Variants in GAS7 observed in about 807,000 individuals in gnomAD.
GAS7 encodes growth arrest-specific protein 7.
GAS7 carries 28 observed loss-of-function variants against 71.1 expected under a neutral mutation model. The ratio of observed to expected loss-of-function variants is 0.39; its 90% confidence interval spans 0.29 to 0.54. GAS7 has a LOEUF of 0.54. Ranked by LOEUF, GAS7 falls within the 20% of genes least tolerant of loss-of-function variation. The probability of loss-of-function intolerance (pLI) is 0.62; values close to 1 mark genes in which losing one functional copy is unlikely to be tolerated. For missense variants in GAS7, 436 were observed against 627.8 expected (o/e 0.69, Z 3.27); for synonymous variants, 258 against 245.8 (o/e 1.05, Z -0.46).
intron 1 of GAS7, among the ~76,000 whole-genome samples, chr17:10,059,301 G>T (rs1033209493): frequency 6.6e-6 from 1 of 152,088 alleles, no homozygotes; most frequent in African/African-American, 2.4e-5. Context: ...ACAAATTCTC[G>T]CTACACTGGG....
chr17:10,027,542 G>C (rs1326581307), intron 1 of GAS7, among the ~76,000 whole-genome samples: 1 of 152,218 alleles, frequency 6.6e-6, no homozygotes, highest in African/African-American at 2.4e-5. Flanking sequence ...TGGGATTGAG[G>C]CTCTTATCAA....
chr17:10,178,185 G>A (rs943815966), intron 1 of GAS7, among the ~76,000 whole-genome samples: 3 of 152,144 alleles, frequency 2.0e-5, no homozygotes, highest in African/African-American at 7.2e-5. Context: ...GGGAGATGGG[G>A]GATTCCAGGC....
At chr17:10,016,173 CAGG>C (rs1344151471) in intron 2 of GAS7, among the ~76,000 whole-genome samples, 2 of 151,250 alleles carry the variant, frequency 1.3e-5, no homozygotes, top group African/African-American at 4.9e-5. Flanking sequence ...ATCACAAGGC[CAGG>C]AGATCGAGAC....
intron 2 of GAS7, among the ~76,000 whole-genome samples, chr17:9,986,582 G>A (rs1379759990): frequency 1.3e-5 from 2 of 152,170 alleles, no homozygotes; most frequent in African/African-American, 4.8e-5. Flanking sequence ...GCAGCTCCGG[G>A]GGCTGCAGGA....
intron 2 of GAS7, among the ~76,000 whole-genome samples, chr17:9,984,215 C>T (rs1189725139): frequency 2.0e-5 from 3 of 152,068 alleles, no homozygotes; most frequent in Admixed American, 6.6e-5. Context: ...CAGCCCTAGG[C>T]AAATCGCACC....
chr17:10,096,220 A>G (rs897603120), intron 1 of GAS7, among the ~76,000 whole-genome samples: 1 of 152,142 alleles, frequency 6.6e-6, no homozygotes, highest in Non-Finnish European at 1.5e-5. Flanking sequence ...TGCCACATAT[A>G]TATATATTTT....
chr17:10,178,853 G>T (rs2074393442), intron 1 of GAS7, among the ~76,000 whole-genome samples: 1 of 151,678 alleles, frequency 6.6e-6, no homozygotes, highest in Non-Finnish European at 1.5e-5. Flanking sequence ...TTCTTTGTTC[G>T]CTGGTTAACA....
At chr17:9,966,032 T>A in intron 4 of GAS7, among the ~76,000 whole-genome samples, 1 of 130,326 alleles carries the variant, frequency 7.7e-6, no homozygotes, top group East Asian at 2.8e-4. Context: ...GGAGTCTCGC[T>A]CTGTCGCCCA....
chr17:10,098,018 C>T (rs375934326), intron 1 of GAS7, among the ~76,000 whole-genome samples: 8 of 148,870 alleles, frequency 5.4e-5, no homozygotes, highest in South Asian at 2.1e-4. Flanking sequence ...CACTCCAGCC[C>T]GGGTGACAGA....
At position 10,059,911 on chromosome 17, in the gene GAS7, C is replaced by T. The variant is rs563263593; in HGVS notation, c.184-40014G>A. ...TTCAAAATGAAAGAGAAGTATTCTG[C>T]AATCGGGAAAGCATGTCCACAGCCT... On this transcript the variant is annotated intron_variant, in intron 1 of 13. Transcript: ENST00000432992. 402 of 631,754 alleles carry T rather than the reference C, an allele frequency of 6.4e-4. 10 individuals are homozygous for T. The South Asian group carries it at 0.023, about 37-fold the overall frequency. 39.1% of individuals were successfully genotyped at this position (631,754 alleles called of 1,614,324 possible). A position where few individuals can be genotyped will look rare whatever the true frequency, so the allele number is the denominator to read the frequency against.
At chr17:10,163,209 C>A (rs960517268) in intron 1 of GAS7, among the ~76,000 whole-genome samples, 1 of 152,142 alleles carries the variant, frequency 6.6e-6, no homozygotes, top group African/African-American at 2.4e-5. Context: ...CTCCCGGGTT[C>A]GAGCTATTCT....
At chr17:10,047,060 C>T (rs2152233364) in intron 1 of GAS7, among the ~76,000 whole-genome samples, 1 of 152,228 alleles carries the variant, frequency 6.6e-6, no homozygotes, top group South Asian at 2.1e-4. Flanking sequence ...AGCCAGCCCT[C>T]TCCTCTCAGC....
intron 1 of GAS7, among the ~76,000 whole-genome samples, chr17:10,134,614 C>T (rs746057289): frequency 2.7e-4 from 41 of 152,178 alleles, no homozygotes; most frequent in Non-Finnish European, 4.9e-4. Flanking sequence ...TGATCTAGGA[C>T]AGGTGAGCCC....
intron 8 of GAS7, among the ~76,000 whole-genome samples, chr17:9,937,057 G>GT (rs1309491632): frequency 6.6e-6 from 1 of 152,226 alleles, no homozygotes; most frequent in African/African-American, 2.4e-5. Flanking sequence ...GTGTGTAAAT[G>GT]TAAATCAGTG....
In GAS7 at chr17:9,911,947, A is replaced by G. The variant is rs2067449154; in HGVS notation, c.*5281T>C. On this transcript the variant is annotated 3_prime_UTR_variant, in exon 14 of 14. Transcript: ENST00000432992. The surrounding 1 kb of genome is among the most constrained non-coding windows in gnomAD (Gnocchi z 4.0). ...AACTGGGTGTGGTCCTGTCCCTGCC[A>G]CCATGTACCACCATCCAGTGGGGTG... 1 of 232,108 alleles carries G rather than the reference A, an allele frequency of 4.3e-6. No individual in the cohort carries two copies. The highest frequency in any genetic ancestry group is 6.1e-5 in the East Asian group (1 of 16,418). The allele number at this position is 232,108 out of a possible 1,614,324, so 14.4% of individuals were successfully genotyped here.
intron 2 of GAS7, among the ~76,000 whole-genome samples, chr17:10,005,186 T>C (rs1401089816): frequency 1.6e-4 from 21 of 134,008 alleles, no homozygotes; most frequent in South Asian, 4.7e-4. Context: ...TGTATGTGTA[T>C]GTGCACGCAT....
chr17:10,186,208 C>T (rs531960758), intron 1 of GAS7, among the ~76,000 whole-genome samples: 4 of 151,940 alleles, frequency 2.6e-5, no homozygotes, highest in African/African-American at 7.2e-5. Context: ...CCGCCTGCCT[C>T]GGCCTCCCAA....
chr17:9,966,758 C>G (rs1288091173), intron 4 of GAS7, among the ~76,000 whole-genome samples: 1 of 152,166 alleles, frequency 6.6e-6, no homozygotes, highest in Non-Finnish European at 1.5e-5. Flanking sequence ...ACTCCAGAGG[C>G]TGAGGCGGGA....
intron 1 of GAS7, among the ~76,000 whole-genome samples, chr17:10,181,093 G>A (rs1336327860): frequency 6.7e-6 from 1 of 149,866 alleles, no homozygotes; most frequent in South Asian, 2.2e-4. Context: ...GGGGCACGGT[G>A]GCTCACGCCT....
Sources: gnomAD v4.1 joint callset for allele counts (sites outside exome capture counted in the v4.1 genomes callset) on GRCh38, gnomAD v4.1.1 for gene constraint, Gnocchi (gnomAD v3.1) non-coding constraint, MANE v1.5 for transcripts, NCBI Gene and HGNC (gene_info 2026-07-23, HGNC 2026-07-21) for gene names.